Variants in CELF4 observed in about 807,000 individuals in gnomAD.
CELF4 encodes the protein CUGBP Elav-like family member 4, also known as CUG-BP- and ETR-3-like factor 4.
A neutral mutation model predicts 59.9 loss-of-function variants in CELF4; 18 were observed. That is an observed-to-expected ratio of 0.30 (90% CI 0.21 to 0.45). The LOEUF is 0.45. Among genes scored for constraint, CELF4 ranks in the 20% least tolerant of loss-of-function variants. The pLI is 1.00. For synonymous variants in CELF4, 261 were observed against 267.1 expected, an observed-to-expected ratio of 0.98 and a Z score of 0.22; for missense variants, 456 against 689.0, an observed-to-expected ratio of 0.66 and a Z score of 3.79.
chr18:37,270,215 A>G (rs1288387418), intron 8 of CELF4, among the ~76,000 whole-genome samples: 1 of 152,166 alleles, frequency 6.6e-6, no homozygotes, highest in Non-Finnish European at 1.5e-5. Flanking sequence ...GGAGCTGTCC[A>G]AGGTGCTGGG....
At chr18:37,481,936 ATCT>A (rs1386825960) in intron 2 of CELF4, among the ~76,000 whole-genome samples, 3 of 152,364 alleles carry the variant, frequency 2.0e-5, no homozygotes, top group East Asian at 1.9e-4. Flanking sequence ...TAATCATGAC[ATCT>A]TCTTCATAGC....
intron 2 of CELF4, among the ~76,000 whole-genome samples, chr18:37,405,960 C>G (rs2099386334): frequency 6.6e-6 from 1 of 152,150 alleles, no homozygotes; most frequent in Non-Finnish European, 1.5e-5. Flanking sequence ...ATGCATAACA[C>G]CCCCACGCTC....
At chr18:37,427,837 CAG>C (rs1378305931) in intron 2 of CELF4, among the ~76,000 whole-genome samples, 1 of 152,226 alleles carries the variant, frequency 6.6e-6, no homozygotes, top group Non-Finnish European at 1.5e-5. Flanking sequence ...GATAGATAGA[CAG>C]GGGATGGCCT....
intron 3 of CELF4, among the ~76,000 whole-genome samples, chr18:37,304,636 T>C (rs1228159872): frequency 1.3e-5 from 2 of 152,266 alleles, no homozygotes; most frequent in African/African-American, 4.8e-5. Flanking sequence ...GGTTCATTTT[T>C]AGGCTTCTGC....
At chr18:37,316,662 C>A (rs1050706754) in intron 3 of CELF4, among the ~76,000 whole-genome samples, 1 of 152,080 alleles carries the variant, frequency 6.6e-6, no homozygotes, top group South Asian at 2.1e-4. Flanking sequence ...CTAATTCCCA[C>A]CTCCTCCAGG....
At chr18:37,490,884 C>T (rs941225641) in intron 1 of CELF4, among the ~76,000 whole-genome samples, 2 of 152,144 alleles carry the variant, frequency 1.3e-5, no homozygotes, top group African/African-American at 4.8e-5. Flanking sequence ...GGATGGTTCT[C>T]CCGGCACCAG....
intron 2 of CELF4, among the ~76,000 whole-genome samples, chr18:37,426,531 C>A (rs1177260630): frequency 6.6e-6 from 1 of 152,190 alleles, no homozygotes; most frequent in Non-Finnish European, 1.5e-5. Context: ...CCACAAATGG[C>A]CCACAAAGCC....
chr18:37,427,921 A>C (rs1157638877), intron 2 of CELF4, among the ~76,000 whole-genome samples: 1 of 152,148 alleles, frequency 6.6e-6, no homozygotes, highest in Non-Finnish European at 1.5e-5. Context: ...GCACAACTGG[A>C]TTTTACTAGG....
chr18:37,286,486 C>T (rs199945057), intron 3 of CELF4, among the ~76,000 whole-genome samples: 3 of 152,160 alleles, frequency 2.0e-5, no homozygotes, highest in African/African-American at 7.2e-5. Context: ...TGGGCCTCCT[C>T]GGTGCCTCCC....
At chr18:37,261,396 AG>A (rs2154306488) in intron 10 of CELF4, among the ~76,000 whole-genome samples, 2 of 152,310 alleles carry the variant, frequency 1.3e-5, no homozygotes, top group South Asian at 4.1e-4. Flanking sequence ...CTTAGAGATA[AG>A]GAGCCTTCAC....
intron 8 of CELF4, among the ~76,000 whole-genome samples, chr18:37,268,047 GA>G (rs1340626383): frequency 6.6e-6 from 1 of 152,106 alleles, no homozygotes; most frequent in East Asian, 1.9e-4. Flanking sequence ...CAAAAGAAAA[GA>G]AAAAGAGCAC....
intron 1 of CELF4, among the ~76,000 whole-genome samples, chr18:37,490,849 G>T (rs2099900921): frequency 6.6e-6 from 1 of 152,148 alleles, no homozygotes; most frequent in Admixed American, 6.5e-5. Flanking sequence ...ACCCTGAGCT[G>T]CCCCCTTTCC....
chr18:37,436,414 G>A (rs1189026709), intron 2 of CELF4, among the ~76,000 whole-genome samples: 1 of 152,174 alleles, frequency 6.6e-6, no homozygotes, highest in Non-Finnish European at 1.5e-5. Flanking sequence ...AGAGACCCTG[G>A]ACAGAGCTGG....
At chr18:37,313,070 C>T (rs2096734241) in intron 3 of CELF4, among the ~76,000 whole-genome samples, 1 of 152,184 alleles carries the variant, frequency 6.6e-6, no homozygotes, top group Admixed American at 6.5e-5. Flanking sequence ...CTCTGAGGGG[C>T]AGACTCCTTC....
At chr18:37,385,877 T>A (rs773520958) in intron 2 of CELF4, among the ~76,000 whole-genome samples, 3 of 152,238 alleles carry the variant, frequency 2.0e-5, no homozygotes, top group Admixed American at 6.5e-5. Context: ...TTAACACATT[T>A]TACCTTCATA....
intron 1 of CELF4, chr18:37,485,826 C>T (rs1384750865): frequency 8.2e-6 from 3 of 365,984 alleles, no homozygotes; most frequent in African/African-American, 6.3e-5. Flanking sequence ...ATTTTGCTCC[C>T]TCCGCGGAGT....
At chr18:37,406,595 G>C (rs572986285) in intron 2 of CELF4, among the ~76,000 whole-genome samples, 1 of 152,288 alleles carries the variant, frequency 6.6e-6, no homozygotes, top group East Asian at 1.9e-4. Flanking sequence ...CTGAGCAACT[G>C]TTGTCCCAAT....
rs1428948507 is a variant in CELF4, at chr18:37,338,791, TGTG to T, written c.370-16913_370-16911del. On this transcript the variant is annotated intron_variant, in intron 2 of 12. Coordinates refer to ENST00000420428, the MANE Select transcript of CELF4 (RefSeq NM_020180.4). ...GTGTGTGTGTGTGTGTGTGTGTGTG[TGTG>T]GTGTGTGTGATCTACCTTCACAGGG... Among the ~76,000 whole-genome samples the T allele has an allele frequency of 2.5e-3, 383 of 151,662 alleles. 1 individual carries two copies. The highest frequency in any genetic ancestry group is 8.9e-3 in the African/African-American group (367 of 41,296).
intron 2 of CELF4, among the ~76,000 whole-genome samples, chr18:37,472,428 A>G (rs1020118977): frequency 2.0e-5 from 3 of 152,236 alleles, no homozygotes; most frequent in Non-Finnish European, 2.9e-5. Flanking sequence ...AGAAGGGGCC[A>G]GGTAGGAAGA....
Sources: allele counts gnomAD v4.1 joint callset (sites outside exome capture counted in the v4.1 genomes callset), GRCh38; gene constraint gnomAD v4.1.1; transcripts MANE v1.5; gene names NCBI Gene and HGNC (gene_info 2026-07-23, HGNC 2026-07-21).